TOP2B: variants seen among roughly 807,000 people sequenced by gnomAD.
The protein encoded by TOP2B is DNA topoisomerase 2-beta.
A neutral mutation model predicts 193.5 loss-of-function variants in TOP2B; 51 were observed. The observed-to-expected ratio is 0.26, with a 90% confidence interval of 0.21 to 0.33. TOP2B has a LOEUF of 0.33. TOP2B is among the 10% of genes least tolerant of loss of function. The probability of loss-of-function intolerance (pLI) is 1.00; values close to 1 mark genes in which losing one functional copy is unlikely to be tolerated. For synonymous variants in TOP2B, 634 were observed against 635.7 expected (o/e 1.00, Z 0.04); for missense variants, 1,378 against 1,909.3 (o/e 0.72, Z 5.19).
intron 3 of TOP2B, 89 bp downstream of exon 3, chr3:25,643,605 T>C (rs1004073188): frequency 2.1e-6 from 2 of 969,146 alleles, no homozygotes; most frequent in African/African-American, 3.2e-5. Context: ...ACCTTTCAAA[T>C]TTATACTGGT....
At chr3:25,619,091 T>C (rs1027593819) in intron 23 of TOP2B, among the ~76,000 whole-genome samples, 5 of 152,048 alleles carry the variant, frequency 3.3e-5, no homozygotes, top group East Asian at 3.9e-4. Flanking sequence ...AGGAATAATA[T>C]TGAAAGACAA....
rs146502972 is a variant in TOP2B at position 25,622,964 on chromosome 3, G to C, written c.2727+551C>G. 4.6e-5 allele frequency among the ~76,000 whole-genome samples: 7 copies of C among 152,232 alleles called. No homozygotes were observed. In the East Asian group the frequency reaches 1.4e-3, roughly 29 times the overall value. On this transcript the variant is annotated intron_variant, in intron 21 of 35. Coordinates refer to ENST00000264331, the MANE Select transcript of TOP2B (RefSeq NM_001330700.2). ...TAATTTTTTTTGTATATTTAGTAGA[G>C]ATGGAGTTTCCCCATGTTGGTCAGT...
At chr3:25,600,643 C>G (rs1702067567) in intron 34 of TOP2B, among the ~76,000 whole-genome samples, 1 of 152,192 alleles carries the variant, frequency 6.6e-6, no homozygotes, top group Admixed American at 6.5e-5. Flanking sequence ...TTTCCAGATT[C>G]TGGAGTTAAA....
intron 1 of TOP2B, among the ~76,000 whole-genome samples, chr3:25,655,902 GAT>G (rs1358316059): frequency 1.3e-5 from 2 of 152,116 alleles, no homozygotes; most frequent in East Asian, 3.9e-4. Flanking sequence ...GTGTTTAGTA[GAT>G]ATAGTTTCAG....
Position 25,620,231 on chromosome 3 carries a change from C to T in TOP2B, c.2863-169G>A, listed in dbSNP as rs77241307. ...TATAGAAGGCAATACACAGGGATCTCGGTGGTGGGAAAAGACATAAGAAGT... is the reference window on the plus strand; with the variant it reads ...TATAGAAGGCAATACACAGGGATCTTGGTGGTGGGAAAAGACATAAGAAGT... On this transcript the variant is annotated intron_variant, in intron 22 of 35. Transcript: ENST00000264331. Among the ~76,000 whole-genome samples, 37 of 151,472 alleles carry T rather than the reference C, an allele frequency of 2.4e-4. 2 individuals are homozygous for T. In the East Asian group the frequency reaches 6.9e-3, roughly 28 times the overall value.
chr3:25,609,678 A>G lies in TOP2B; in HGVS notation c.3821T>C (p.Phe1274Ser), dbSNP rs1265982013. Residue 1274 changes from phenylalanine (F) to serine (S), a missense_variant, in exon 29 of 36, where the codon TTT becomes TCT. Phe to Ser is a radical substitution (Grantham distance 155). Coordinates refer to ENST00000264331, the MANE Select transcript of TOP2B (RefSeq NM_001330700.2). Reference sequence around the variant, plus strand: ...TGGTGCTCCACTGAATTCTTCATCAAATTCCACTTTTACTGCTGCAGTATC... The same window carrying G: ...TGGTGCTCCACTGAATTCTTCATCAGATTCCACTTTTACTGCTGCAGTATC... ...DLDTAAVKVE[F>S]DEEFSGAPVE... 1.3e-6 allele frequency: 2 copies of G among 1,520,682 alleles called. No individual in the cohort carries two copies. The highest frequency in any genetic ancestry group is 4.8e-5 in the East Asian group (2 of 41,832). 94.2% of individuals were successfully genotyped at this position (1,520,682 alleles called of 1,614,324 possible).
At chr3:25,625,871 T>C (rs1339957148) in intron 18 of TOP2B, among the ~76,000 whole-genome samples, 1 of 152,134 alleles carries the variant, frequency 6.6e-6, no homozygotes, top group Admixed American at 6.5e-5. Flanking sequence ...TGAACAAAGG[T>C]AAAATAAGAG....
intron 7 of TOP2B, among the ~76,000 whole-genome samples, chr3:25,634,785 AAAAAAAAAAAAACC>A (rs1336389280): frequency 7.2e-6 from 1 of 139,394 alleles, no homozygotes; most frequent in Non-Finnish European, 1.5e-5. Flanking sequence ...TACCAAAAAA[AAAAAAAAAAAAACC>A]AAAAAAAGGC....
At chr3:25,640,752 C>CT (rs372465937) in intron 4 of TOP2B, among the ~76,000 whole-genome samples, 4,359 of 106,830 alleles carry the variant, frequency 0.041, 128 homozygotes, top group African/African-American at 0.047. Context: ...TCTTCGTTGT[C>CT]TTTTTTTTTT....
In TOP2B at chr3:25,632,485, A is replaced by G. The variant is rs2125380496; in HGVS notation, c.1227T>C (p.Phe409=). 1.9e-6 allele frequency: 3 copies of G among 1,581,738 alleles called. No homozygotes were observed. Among genetic ancestry groups the G allele is most frequent in the Non-Finnish European group, 2.6e-6 (3 of 1,165,304 alleles). ...TTTCTGACAGCTGGCATTTAGACCC[A>G]AAACTTTTGGGCTGCAGAGTCATGT... ...KENMTLQPKS[F]GSKCQLSEKF... is the part of the protein sequence containing the mutation. The change falls in exon 10 of 36, where the codon TTT becomes TTC. Residue 409 remains phenylalanine, a synonymous_variant. Transcript: ENST00000264331.
At chr3:25,606,234 T>G (rs1702234293) in intron 31 of TOP2B, 112 bp from the exon 32 acceptor site, 1 of 523,416 alleles carries the variant, frequency 1.9e-6, no homozygotes, top group Non-Finnish European at 3.2e-6. Context: ...AACAAAACTT[T>G]AGTTTTCATT....
chr3:25,639,372 G>A (rs1224309928), intron 4 of TOP2B, among the ~76,000 whole-genome samples: 2 of 131,522 alleles, frequency 1.5e-5, no homozygotes, highest in Admixed American at 7.5e-5. Flanking sequence ...GCAATGACAC[G>A]ATCTCAGCTC....
intron 25 of TOP2B, among the ~76,000 whole-genome samples, chr3:25,617,390 A>G (rs1345552587): frequency 6.6e-6 from 1 of 152,164 alleles, no homozygotes; most frequent in Non-Finnish European, 1.5e-5. Flanking sequence ...TTTTCTTCAA[A>G]TAATGAATAA....
chr3:25,599,372 A>G, intron 35 of TOP2B, 63 bp downstream of exon 35: 1 of 1,499,452 alleles, frequency 6.7e-7, no homozygotes, highest in Non-Finnish European at 9.1e-7. Context: ...TAAGCAAACT[A>G]AGTCACTTAC....
At chr3:25,613,716 A>C (rs918110708) in intron 27 of TOP2B, among the ~76,000 whole-genome samples, 1 of 151,920 alleles carries the variant, frequency 6.6e-6, no homozygotes, top group Non-Finnish European at 1.5e-5. Flanking sequence ...TGACAGAGCA[A>C]GACCATGTCT....
At chr3:25,607,992 C>T (rs1702276520) in intron 30 of TOP2B, among the ~76,000 whole-genome samples, 2 of 152,002 alleles carry the variant, frequency 1.3e-5, no homozygotes, top group Admixed American at 1.3e-4. Context: ...GCCATGTTAC[C>T]CAGGCTGGTC....
Position 25,632,519 on chromosome 3 carries a change from G to A in TOP2B, c.1193C>T (p.Thr398Ile). The change falls in exon 10 of 36, where the codon ACT (threonine) becomes ATT (isoleucine). Residue 398 changes from threonine (T) to isoleucine (I), a missense_variant. Transcript: ENST00000264331. ...LIENPTFDSQ[T>I]KENMTLQPKS... The stretch of plus-strand genomic sequence containing the variant: ...GGGCTGCAGAGTCATGTTTTCCTTA[G>A]TCTGAGAATCAAAAGTTGGATTTTC... 6.3e-7 allele frequency: 1 copy of A among 1,587,134 alleles called. No individual in the cohort carries two copies. The highest frequency in any genetic ancestry group is 1.2e-5 in the South Asian group (1 of 85,808).
At chr3:25,622,105 G>A (rs1481536042) in intron 21 of TOP2B, among the ~76,000 whole-genome samples, 1 of 152,096 alleles carries the variant, frequency 6.6e-6, no homozygotes, top group Admixed American at 6.5e-5. Flanking sequence ...TTGATGCTTT[G>A]ATGTCTTGTC....
At chr3:25,628,801 T>C (rs770697487) in intron 15 of TOP2B, 46 bp downstream of exon 15, 79 of 1,152,504 alleles carry the variant, frequency 6.9e-5, no homozygotes, top group Non-Finnish European at 9.3e-5. Context: ...TTCATAAGAA[T>C]ACATTTATAT....
Sources: allele counts gnomAD v4.1 joint callset (sites outside exome capture counted in the v4.1 genomes callset), GRCh38; gene constraint gnomAD v4.1.1; transcripts MANE v1.5; gene names NCBI Gene and HGNC (gene_info 2026-07-23, HGNC 2026-07-21).